MRPL47: variants seen among roughly 807,000 people sequenced by gnomAD.
The protein encoded by MRPL47 is large ribosomal subunit protein uL29m.
Under a neutral mutation model 34.0 loss-of-function variants are expected in MRPL47, and 31 were observed. The ratio of observed to expected loss-of-function variants is 0.91; its 90% CI spans 0.68 to 1.23. MRPL47 has a LOEUF of 1.23. Ranked by LOEUF, MRPL47 falls within the 50% of genes most tolerant of loss-of-function variation. MRPL47 has a pLI of 0.00. For synonymous variants in MRPL47, 106 were observed against 101.6 expected (o/e 1.04, Z -0.26); for missense variants, 328 against 285.8 (o/e 1.15, Z -1.07).
intron 5 of MRPL47, among the ~76,000 whole-genome samples, chr3:179,593,195 G>A (rs1718714519): frequency 6.6e-6 from 1 of 152,172 alleles, no homozygotes; most frequent in Non-Finnish European, 1.5e-5. Flanking sequence ...TTTCCCAAAG[G>A]CTGACAAGAC....
At chr3:179,589,096 A>T in intron 6 of MRPL47, 101 bp from the exon 7 acceptor site, 1 of 1,152,374 alleles carries the variant, frequency 8.7e-7, no homozygotes, top group East Asian at 2.4e-5. Flanking sequence ...AGCTTCAAAC[A>T]TGCCAGTCCC....
intron 6 of MRPL47, 146 bp downstream of exon 6, chr3:179,592,498 T>C (rs908223989): frequency 5.4e-5 from 31 of 576,342 alleles, no homozygotes; most frequent in African/African-American, 1.1e-4. Context: ...CCAGCCTGAC[T>C]TTCCTATTTT....
Position 179,588,815 on chromosome 3 carries a change from T to C in MRPL47, c.*57A>G, listed in dbSNP as rs1489444827. On this transcript the variant is annotated 3_prime_UTR_variant, in exon 7 of 7. Coordinates refer to ENST00000476781, the MANE Select transcript of MRPL47 (RefSeq NM_020409.3). ...TTTATAAACCACTTAACATATTTAC[T>C]CCTGTACACAGACTATTCAAGAAAA... 1.7e-5 allele frequency: 25 copies of C among 1,500,716 alleles called. No homozygotes were observed. The highest frequency in any genetic ancestry group is 2.3e-5 in the Non-Finnish European group (25 of 1,105,450). The allele number at this position is 1,500,716 out of a possible 1,614,324, so 93.0% of individuals were successfully genotyped here.
At chr3:179,594,803 A>G (rs928601074) in intron 4 of MRPL47, among the ~76,000 whole-genome samples, 1 of 152,074 alleles carries the variant, frequency 6.6e-6, no homozygotes, top group Non-Finnish European at 1.5e-5. Flanking sequence ...TTTACATATA[A>G]ATATTCATAT....
chr3:179,599,786 A>T (rs1322437494), intron 3 of MRPL47, among the ~76,000 whole-genome samples: 1 of 152,228 alleles, frequency 6.6e-6, no homozygotes, highest in Non-Finnish European at 1.5e-5. Flanking sequence ...GTACTGAAGC[A>T]GCAGAGCTAA....
At chr3:179,593,711 T>G in intron 5 of MRPL47, 54 bp downstream of exon 5, 2 of 1,533,406 alleles carry the variant, frequency 1.3e-6, no homozygotes, top group South Asian at 2.5e-5. Context: ...GGCAGGGGAA[T>G]GAGGCATGGA....
At chr3:179,589,120 T>C in intron 6 of MRPL47, 125 bp from the exon 7 acceptor site, 1 of 891,230 alleles carries the variant, frequency 1.1e-6, no homozygotes, top group Non-Finnish European at 1.7e-6. Context: ...ATTTGGTGTG[T>C]TATATATATT....
chr3:179,589,141 A>C (rs3774259), intron 6 of MRPL47, 146 bp from the exon 7 acceptor site: 28,973 of 759,722 alleles, frequency 0.038, 2,670 homozygotes, highest in African/African-American at 0.27. Flanking sequence ...ATTAAACTTG[A>C]ATAGTAATCA....
chr3:179,602,268 C>T (rs1375056581), intron 2 of MRPL47, among the ~76,000 whole-genome samples: 2 of 152,106 alleles, frequency 1.3e-5, no homozygotes, highest in Admixed American at 6.6e-5. Context: ...CACTGGAATC[C>T]GAGAGGCAGA....
chr3:179,592,286 C>A (rs1390234152), intron 6 of MRPL47, among the ~76,000 whole-genome samples: 1 of 152,168 alleles, frequency 6.6e-6, no homozygotes, highest in Non-Finnish European at 1.5e-5. Flanking sequence ...GCTCTGCCTC[C>A]CGGGTTCACG....
intron 4 of MRPL47, among the ~76,000 whole-genome samples, chr3:179,594,558 T>C (rs1419718653): frequency 1.3e-5 from 2 of 152,094 alleles, no homozygotes; most frequent in African/African-American, 4.8e-5. Flanking sequence ...TCTTGGCTCA[T>C]TGCAACCTCC....
chr3:179,596,663 AT>A (rs1353451652), intron 4 of MRPL47, among the ~76,000 whole-genome samples: 3 of 152,064 alleles, frequency 2.0e-5, no homozygotes, highest in Admixed American at 6.5e-5. Flanking sequence ...TTTATTTTTT[AT>A]TTATTGAGAC....
intron 6 of MRPL47, among the ~76,000 whole-genome samples, chr3:179,591,653 C>G (rs1027565955): frequency 6.6e-6 from 1 of 152,162 alleles, no homozygotes; most frequent in South Asian, 2.1e-4. Context: ...CTCTTCCTAG[C>G]GCCATTTCTT....
chr3:179,599,257 C>T (rs561680973), intron 3 of MRPL47, among the ~76,000 whole-genome samples: 56 of 152,090 alleles, frequency 3.7e-4, no homozygotes, highest in African/African-American at 1.1e-3. Context: ...CTTTGCTTAT[C>T]CATGTGTTCA....
chr3:179,601,683 TA>T (rs1370673798), intron 3 of MRPL47, 46 bp downstream of exon 3: 2 of 1,179,458 alleles, frequency 1.7e-6, no homozygotes, highest in Non-Finnish European at 2.5e-6. Flanking sequence ...ATTGTTACAC[TA>T]TAACGGCTTC....
intron 6 of MRPL47, 125 bp from the exon 7 acceptor site, chr3:179,589,120 T>A (rs1268858094): frequency 4.5e-6 from 4 of 891,112 alleles, no homozygotes; most frequent in Non-Finnish European, 6.6e-6. Context: ...ATTTGGTGTG[T>A]TATATATATT....
In MRPL47 at chr3:179,602,701, T is replaced by A. The variant is rs377329592; in HGVS notation, c.195A>T (p.Glu65Asp). Residue 65 changes from glutamate to aspartate, a missense_variant, in exon 2 of 7, where the codon GAA becomes GAT. Coordinates refer to ENST00000476781, the MANE Select transcript of MRPL47 (RefSeq NM_020409.3). ...LHTTLSRKGL[E>D]EFFDDPKNWG... ...AGTTTTTTGGGTCATCAAAAAATTC[T>A]TCTAGTCCTTTCCTTGACAATGTGG... The A allele has an allele frequency of 1.2e-6, 2 of 1,612,642 alleles. No homozygotes were observed. The highest frequency in any genetic ancestry group is 1.7e-6 in the Non-Finnish European group (2 of 1,179,598).
At chr3:179,596,367 T>C (rs1010937246) in intron 4 of MRPL47, among the ~76,000 whole-genome samples, 1 of 152,244 alleles carries the variant, frequency 6.6e-6, no homozygotes, top group African/African-American at 2.4e-5. Flanking sequence ...AAAGTTTCCT[T>C]AGTAGTATGT....
chr3:179,602,949 T>G (rs891853469), intron 1 of MRPL47, 152 bp from the exon 2 acceptor site: 2 of 652,566 alleles, frequency 3.1e-6, no homozygotes, highest in Non-Finnish European at 4.9e-6. Context: ...TTTTTTTTTC[T>G]TATTTAGAGA....
Sources: allele counts gnomAD v4.1 joint callset (sites outside exome capture counted in the v4.1 genomes callset), GRCh38; gene constraint gnomAD v4.1.1; transcripts MANE v1.5; gene names NCBI Gene and HGNC (gene_info 2026-07-23, HGNC 2026-07-21).